FGF1: variants seen among roughly 807,000 people sequenced by gnomAD.
FGF1 encodes fibroblast growth factor 1.
FGF1 carries 9 observed loss-of-function variants against 13.4 expected under a neutral mutation model. The observed-to-expected ratio is 0.67, with a 90% CI of 0.40 to 1.17. The LOEUF (loss-of-function observed/expected upper bound fraction) is 1.17. FGF1 is among the 50% of genes most tolerant of loss of function. FGF1 has a pLI of 0.01. For synonymous variants in FGF1, 93 were observed against 79.0 expected, an observed-to-expected ratio of 1.18 and a Z score of -0.94; for missense variants, 156 against 192.7, an observed-to-expected ratio of 0.81 and a Z score of 1.13.
At chr5:142,653,598 C>T (rs940689265) in intron 1 of FGF1, among the ~76,000 whole-genome samples, 5 of 152,212 alleles carry the variant, frequency 3.3e-5, no homozygotes, top group East Asian at 3.8e-4. Context: ...CTGTTCACTG[C>T]CCCCTACAGC....
At position 142,677,936 on chromosome 5, in the gene FGF1, CAG is replaced by C. The variant is rs138750379; in HGVS notation, c.-35+8019_-35+8020del. ...GGAAAAATAAGTCAGAGGGGAGAAACAGGGAAAACTTTTGGAGGAACTGACAA... is the reference window on the plus strand; with the variant it reads ...GGAAAAATAAGTCAGAGGGGAGAAACGGAAAACTTTTGGAGGAACTGACAA... On this transcript the variant is annotated intron_variant, in intron 1 of 3. Coordinates refer to ENST00000337706, the MANE Select transcript of FGF1 (RefSeq NM_000800.5). Among the ~76,000 whole-genome samples, 936 of 152,146 alleles carry C rather than the reference CAG, an allele frequency of 6.2e-3. 8 individuals are homozygous for C. Among genetic ancestry groups the C allele is most frequent in the African/African-American group, 0.022 (893 of 41,494 alleles).
chr5:142,640,713 G>T (rs1765060394), intron 1 of FGF1, among the ~76,000 whole-genome samples: 1 of 152,008 alleles, frequency 6.6e-6, no homozygotes, highest in Non-Finnish European at 1.5e-5. Flanking sequence ...AACCAATGCT[G>T]CCTCCATCTG....
At chr5:142,638,295 C>T (rs152528) in intron 1 of FGF1, among the ~76,000 whole-genome samples, 42,841 of 151,886 alleles carry the variant, frequency 0.28, 7,280 homozygotes, top group Non-Finnish European at 0.39. Flanking sequence ...TTGGCATGGA[C>T]CTCTCTTTGC....
upstream of FGF1, among the ~76,000 whole-genome samples, chr5:142,687,135 G>GCA (rs1751382972): frequency 6.6e-6 from 1 of 152,044 alleles, no homozygotes; most frequent in African/African-American, 2.4e-5. Flanking sequence ...GTGTGTGTGT[G>GCA]CACGCATGCA....
chr5:142,608,564 A>C (rs1208527515), intron 2 of FGF1, among the ~76,000 whole-genome samples: 6,613 of 102,282 alleles, frequency 0.065, 224 homozygotes, highest in African/African-American at 0.11. Flanking sequence ...ATATATATAT[A>C]TATATATATA....
At chr5:142,606,656 T>G (rs1282303570) in intron 2 of FGF1, among the ~76,000 whole-genome samples, 1 of 152,106 alleles carries the variant, frequency 6.6e-6, no homozygotes, top group Non-Finnish European at 1.5e-5. Context: ...AATACGTGTG[T>G]AGCTCATGAA....
At chr5:142,630,404 C>A (rs1763177192) in intron 1 of FGF1, among the ~76,000 whole-genome samples, 1 of 152,172 alleles carries the variant, frequency 6.6e-6, no homozygotes, top group Admixed American at 6.5e-5. Context: ...TCCTATCTTA[C>A]CTTCTGAAAT....
In FGF1 at chr5:142,595,507, G is replaced by A. The variant is rs763061433; in HGVS notation, c.274-23C>T. 2.5e-5 allele frequency: 40 copies of A among 1,598,712 alleles called. No homozygotes were observed. In the East Asian group the frequency reaches 6.3e-4, roughly 25 times the overall value. ...CTGCTAAAAAGATAAAACCAAAAGA[G>A]AGTAGGACAATCAGTGAGTAGTTTC... is the stretch of plus-strand genomic sequence containing the variant. On this transcript the variant is annotated intron_variant, in intron 3 of 3. Transcript: ENST00000337706.
intron 2 of FGF1, among the ~76,000 whole-genome samples, chr5:142,604,916 T>C (rs78606752): frequency 0.013 from 1,905 of 152,240 alleles, 32 homozygotes; most frequent in African/African-American, 0.038. Flanking sequence ...AGATCACACA[T>C]GGACAAGATG....
intron 2 of FGF1, among the ~76,000 whole-genome samples, chr5:142,606,768 T>C (rs781246437): frequency 2.6e-5 from 4 of 152,120 alleles, no homozygotes; most frequent in African/African-American, 4.8e-5. Flanking sequence ...GGGAGAGGAA[T>C]TGAGGAAATG....
chr5:142,630,825 G>A (rs1464171263), intron 1 of FGF1, among the ~76,000 whole-genome samples: 1 of 152,212 alleles, frequency 6.6e-6, no homozygotes, highest in Non-Finnish European at 1.5e-5. Context: ...GCTAAGGTAA[G>A]TTCCTTCTCT....
intron 1 of FGF1, among the ~76,000 whole-genome samples, chr5:142,628,362 T>G (rs1597209702): frequency 6.6e-6 from 1 of 152,006 alleles, no homozygotes; most frequent in East Asian, 1.9e-4. Flanking sequence ...TACAAAAAAT[T>G]AGCCGGGCGT....
At chr5:142,615,416 G>A (rs1760025567) in intron 1 of FGF1, among the ~76,000 whole-genome samples, 1 of 152,124 alleles carries the variant, frequency 6.6e-6, no homozygotes, top group Non-Finnish European at 1.5e-5. Flanking sequence ...TAGAGATGGG[G>A]TTTCACCATG....
chr5:142,611,001 T>A (rs1758923479), intron 2 of FGF1, among the ~76,000 whole-genome samples: 1 of 152,206 alleles, frequency 6.6e-6, no homozygotes, highest in Non-Finnish European at 1.5e-5. Flanking sequence ...CTATCTTGTG[T>A]GATTTGTTTA....
chr5:142,629,138 T>A (rs1762921390), intron 1 of FGF1, among the ~76,000 whole-genome samples: 1 of 152,156 alleles, frequency 6.6e-6, no homozygotes. Context: ...GTAGGAAGTT[T>A]GATAGGCTTG....
At chr5:142,675,150 C>T (rs535645197) in intron 1 of FGF1, among the ~76,000 whole-genome samples, 3 of 152,176 alleles carry the variant, frequency 2.0e-5, no homozygotes, top group Non-Finnish European at 4.4e-5. Flanking sequence ...CACCCTGAAC[C>T]AGCTGTGTAT....
intron 1 of FGF1, among the ~76,000 whole-genome samples, chr5:142,654,469 C>T (rs1225729907): frequency 1.3e-5 from 2 of 152,202 alleles, no homozygotes; most frequent in Non-Finnish European, 2.9e-5. Flanking sequence ...AAGATTCTTA[C>T]TTTTCCCAAA....
At chr5:142,692,367 C>T (rs1157746211) in intron 2 of FGF1, among the ~76,000 whole-genome samples, 1 of 152,062 alleles carries the variant, frequency 6.6e-6, no homozygotes, top group African/African-American at 2.4e-5. Context: ...CAAACTAAAG[C>T]TTTATAGACC....
intron 1 of FGF1, among the ~76,000 whole-genome samples, chr5:142,658,054 C>G (rs1768494661): frequency 6.6e-6 from 1 of 152,234 alleles, no homozygotes; most frequent in Non-Finnish European, 1.5e-5. Context: ...CCAGGACATT[C>G]TGCAGATAAC....
Sources: gnomAD v4.1 joint callset for allele counts (sites outside exome capture counted in the v4.1 genomes callset) on GRCh38, gnomAD v4.1.1 for gene constraint, MANE v1.5 for transcripts, NCBI Gene and HGNC (gene_info 2026-07-23, HGNC 2026-07-21) for gene names.